The following SHROOM2 variants were observed in gnomAD, a reference collection of about 807,000 sequenced individuals.
SHROOM2 encodes the protein protein Shroom2.
In SHROOM2, 33 loss-of-function variants were observed where a neutral mutation model predicts 75.9. The observed-to-expected ratio is 0.43, with a 90% CI of 0.33 to 0.58. The LOEUF (loss-of-function observed/expected upper bound fraction) is 0.58, where lower values mean the gene tolerates loss of function less well. SHROOM2 is among the 20% of genes least tolerant of loss of function. The pLI is 0.04. For missense variants in SHROOM2, 1,434 were observed against 1,461.2 expected, an observed-to-expected ratio of 0.98 and a Z score of 0.30; for synonymous variants, 655 against 663.6, an observed-to-expected ratio of 0.99 and a Z score of 0.20.
intron 1 of SHROOM2, among the ~76,000 whole-genome samples, chrX:9,826,213 T>C (rs2083886844): frequency 8.9e-6 from 1 of 112,019 alleles, no homozygotes; most frequent in African/African-American, 3.2e-5. Context: ...TTCTTCCCCT[T>C]GCCTTGTTTT....
intron 2 of SHROOM2, among the ~76,000 whole-genome samples, chrX:9,878,698 C>T (rs1238420361): frequency 9.0e-6 from 1 of 111,177 alleles, no homozygotes; most frequent in Non-Finnish European, 1.9e-5. Flanking sequence ...CAGTAAGGGG[C>T]CGCCTAAGAC....
intron 1 of SHROOM2, among the ~76,000 whole-genome samples, chrX:9,820,464 AAG>A (rs1467691088): frequency 2.7e-5 from 3 of 110,685 alleles, no homozygotes; most frequent in African/African-American, 9.9e-5. Flanking sequence ...TCCCGGGCTT[AAG>A]CAATCCTCCC....
chrX:9,832,051 G>T (rs944992072), intron 1 of SHROOM2, among the ~76,000 whole-genome samples: 6 of 112,010 alleles, frequency 5.4e-5, no homozygotes, highest in African/African-American at 1.9e-4. Context: ...TCCTTCCCTT[G>T]GCCTTAGGGC....
chrX:9,872,619 C>G (rs1313601167), intron 1 of SHROOM2, among the ~76,000 whole-genome samples: 1 of 111,800 alleles, frequency 8.9e-6, no homozygotes, highest in Non-Finnish European at 1.9e-5. Context: ...CAAGCTGTTA[C>G]GGAGTCAGTC....
intron 2 of SHROOM2, among the ~76,000 whole-genome samples, chrX:9,885,939 G>GGA (rs2084258429): frequency 1.0e-5 from 1 of 95,326 alleles, no homozygotes; most frequent in African/African-American, 4.2e-5. Context: ...GGTGGCAGAG[G>GGA]GAGAGCCTGT....
chrX:9,805,198 T>C (rs1336262213), intron 1 of SHROOM2, among the ~76,000 whole-genome samples: 1 of 110,794 alleles, frequency 9.0e-6, no homozygotes, highest in African/African-American at 3.3e-5. Flanking sequence ...TGAGCCGAGA[T>C]CGCACCACTG....
At chrX:9,876,920 T>C (rs1206992775) in intron 2 of SHROOM2, among the ~76,000 whole-genome samples, 1 of 112,595 alleles carries the variant, frequency 8.9e-6, no homozygotes, top group African/African-American at 3.2e-5. Flanking sequence ...CTTCCCAAAG[T>C]GCTGGAATTA....
intron 1 of SHROOM2, among the ~76,000 whole-genome samples, chrX:9,859,834 C>G (rs1235329742): frequency 1.8e-5 from 2 of 111,166 alleles, no homozygotes; most frequent in Non-Finnish European, 3.8e-5. Context: ...TCCCCCTCAC[C>G]TGATCAAACT....
rs758176318 is a variant in SHROOM2 at position 9,932,834 on chromosome X, A to G, written c.3551A>G (p.Lys1184Arg). 5 of 1,199,844 alleles carry G rather than the reference A, an allele frequency of 4.2e-6. No homozygotes were observed. Among genetic ancestry groups the G allele is most frequent in the Non-Finnish European group, 4.5e-6 (4 of 892,481 alleles). Residue 1184 changes from lysine (K) to arginine (R), a missense_variant, in exon 6 of 10, where the codon AAA (lysine) becomes AGA (arginine). This residue lies in a region of SHROOM2 where 1,340 missense variants were observed against 1,338.3 expected (regional missense o/e 1.00). Coordinates refer to ENST00000380913, the MANE Select transcript of SHROOM2 (RefSeq NM_001649.4). Reference protein sequence around the residue: ...PQFAPQKLTDKPPLLIQDEDS... With the variant: ...PQFAPQKLTDRPPLLIQDEDS... Reference sequence around the variant, plus strand: ...TTCGCCCCCCAGAAACTGACGGACAAACCTCCCCTGCTCATCCAGGATGAG... The same window carrying G: ...TTCGCCCCCCAGAAACTGACGGACAGACCTCCCCTGCTCATCCAGGATGAG...
At chrX:9,815,101 T>C (rs1441681722) in intron 1 of SHROOM2, among the ~76,000 whole-genome samples, 1 of 111,583 alleles carries the variant, frequency 9.0e-6, no homozygotes, top group Admixed American at 9.6e-5. Flanking sequence ...CTTCATTATA[T>C]TCCTTGGTTT....
intron 9 of SHROOM2, among the ~76,000 whole-genome samples, chrX:9,945,200 C>T (rs946311768): frequency 6.3e-5 from 7 of 110,971 alleles, no homozygotes; most frequent in Non-Finnish European, 1.1e-4. Flanking sequence ...CTCTGCCTCC[C>T]GAGGTTCAAG....
chrX:9,932,686 G>A lies in SHROOM2; in HGVS notation c.3403G>A (p.Gly1135Arg). Reference protein sequence around the residue: ...DTPKATVCERGSQHVSGDASR... With the variant: ...DTPKATVCERRSQHVSGDASR... ...CCCGAAGGCCACTGTCTGTGAGCGT[G>A]GAAGCCAGCATGTGAGCGGGGACGC... Residue 1135 changes from glycine to arginine, a missense_variant, in exon 6 of 10, where the codon GGA becomes AGA. By Grantham distance (125) the Gly-to-Arg change is moderately radical. Around this residue, in one of 3 missense-constraint regions of SHROOM2, gnomAD observed 1,340 missense variants for 1,338.3 expected, o/e 1.00. Coordinates refer to ENST00000380913, the MANE Select transcript of SHROOM2 (RefSeq NM_001649.4). The A allele has an allele frequency of 2.5e-6, 3 of 1,211,687 alleles. No homozygotes were observed. Among genetic ancestry groups the A allele is most frequent in the Non-Finnish European group, 3.4e-6 (3 of 895,476 alleles).
At chrX:9,898,113 T>C in intron 4 of SHROOM2, 77 bp from the exon 5 acceptor site, 1 of 875,679 alleles carries the variant, frequency 1.1e-6, no homozygotes. Flanking sequence ...AACCCACAAA[T>C]GAGGGCTTTC....
At chrX:9,909,521 A>G (rs369115080) in intron 5 of SHROOM2, among the ~76,000 whole-genome samples, 21 of 112,378 alleles carry the variant, frequency 1.9e-4, no homozygotes, top group East Asian at 1.1e-3. Flanking sequence ...ACAGTGGAGA[A>G]ACTGGTGTAT....
chrX:9,808,526 G>A (rs1487070057), intron 1 of SHROOM2, among the ~76,000 whole-genome samples: 1 of 110,602 alleles, frequency 9.0e-6, no homozygotes, highest in African/African-American at 3.3e-5. Flanking sequence ...TCCAGCCTAG[G>A]TGACAGAGTG....
chrX:9,857,917 G>A (rs910806803), intron 1 of SHROOM2, among the ~76,000 whole-genome samples: 7 of 110,756 alleles, frequency 6.3e-5, no homozygotes, highest in African/African-American at 1.6e-4. Flanking sequence ...CCCAGTGCTC[G>A]AGGCTGTAGA....
intron 1 of SHROOM2, among the ~76,000 whole-genome samples, chrX:9,792,079 TA>T (rs1569133074): frequency 1.9e-4 from 2 of 10,522 alleles, no homozygotes; most frequent in African/African-American, 5.5e-4. Flanking sequence ...TAGAATAGAA[TA>T]GAATAGAATA....
At chrX:9,854,585 A>G (rs1295209154) in intron 1 of SHROOM2, among the ~76,000 whole-genome samples, 1 of 112,336 alleles carries the variant, frequency 8.9e-6, no homozygotes, top group East Asian at 2.8e-4. Context: ...ACACAGAGTG[A>G]CTGTCACAGC....
intron 5 of SHROOM2, chrX:9,913,191 C>G (rs1291340038): frequency 2.7e-5 from 3 of 112,384 alleles, no homozygotes; most frequent in African/African-American, 9.7e-5. Context: ...GGCATTCTCA[C>G]TACACAGGCA....
Sources: allele counts gnomAD v4.1 joint callset (sites outside exome capture counted in the v4.1 genomes callset), GRCh38; gene constraint gnomAD v4.1.1; regional missense constraint gnomAD v4.1.1; transcripts MANE v1.5; gene names NCBI Gene and HGNC (gene_info 2026-07-23, HGNC 2026-07-21).